EPN1: variants seen among roughly 807,000 people sequenced by gnomAD.
EPN1 encodes the protein epsin 1.
In EPN1, 25 loss-of-function variants were observed where a neutral mutation model predicts 56.9. The observed-to-expected ratio is 0.44, with a 90% CI of 0.32 to 0.61. The LOEUF (loss-of-function observed/expected upper bound fraction) is 0.61, where lower values mean the gene tolerates loss of function less well. EPN1 is among the 20% of genes least tolerant of loss of function. The pLI is 0.05. For synonymous variants in EPN1, 411 were observed against 361.8 expected, an observed-to-expected ratio of 1.14 and a Z score of -1.54; for missense variants, 785 against 823.7, an observed-to-expected ratio of 0.95 and a Z score of 0.58.
intron 1 of EPN1, chr19:55,677,232 G>GA: frequency 7.1e-7 from 1 of 1,402,314 alleles, no homozygotes; most frequent in African/African-American, 1.4e-5. Flanking sequence ...TGTGTCCCTG[G>GA]GCAAGGGGCT....
In EPN1 at chr19:55,689,402, C is replaced by G; in HGVS notation, c.678+31C>G. 2.7e-6 allele frequency: 4 copies of G among 1,496,466 alleles called. No individual in the cohort carries two copies. Among genetic ancestry groups the G allele is most frequent in the African/African-American group, 1.4e-5 (1 of 72,216 alleles). The allele number at this position is 1,496,466 out of a possible 1,614,324, so 92.7% of individuals were successfully genotyped here. On this transcript the variant is annotated intron_variant, in intron 5 of 10. Coordinates refer to ENST00000270460, the MANE Select transcript of EPN1 (RefSeq NM_001130072.2). The surrounding 1 kb of genome is among the most constrained non-coding windows in gnomAD (Gnocchi z 5.7). Reference sequence around the variant, plus strand: ...AGCAGCCTCCCTGTCCCTGCCCCTGCCAGGGGCTCCCCTCAGACCAGCCCC... The same window carrying G: ...AGCAGCCTCCCTGTCCCTGCCCCTGGCAGGGGCTCCCCTCAGACCAGCCCC...
At position 55,703,873 on chromosome 19, in the gene EPN1, G is replaced by C. The variant is rs1212759174; in HGVS notation, c.*8517G>C. 1 of 152,250 alleles carries C rather than the reference G, an allele frequency of 6.6e-6. No homozygotes were observed. The highest frequency in any genetic ancestry group is 1.5e-5 in the Non-Finnish European group (1 of 68,042). The allele number at this position is 152,250 out of a possible 1,614,324, so 9.4% of individuals were successfully genotyped here. A position where few individuals can be genotyped will look rare whatever the true frequency, so the allele number is the denominator to read the frequency against. On this transcript the variant is annotated 3_prime_UTR_variant, in exon 11 of 11. Transcript: ENST00000270460. ...GGAGGAAGCTGGAAAGCGCTCCCCT[G>C]CGTTTCGGCTGCTGGCCCAGCAGAG... is the stretch of plus-strand genomic sequence containing the variant.
At position 55,703,928 on chromosome 19, in the gene EPN1, G is replaced by T. The variant is rs1471892787; in HGVS notation, c.*8572G>T. On this transcript the variant is annotated 3_prime_UTR_variant, in exon 11 of 11. Coordinates refer to ENST00000270460, the MANE Select transcript of EPN1 (RefSeq NM_001130072.2). ...CCGGAGAGCGGACGGAGCCGCAGGCGGGGTTGTGGGAAGACGCTGGGATCC... is the reference window on the plus strand; with the variant it reads ...CCGGAGAGCGGACGGAGCCGCAGGCTGGGTTGTGGGAAGACGCTGGGATCC... 1.3e-5 allele frequency: 2 copies of T among 152,218 alleles called. No individual in the cohort carries two copies. Among genetic ancestry groups the T allele is most frequent in the Non-Finnish European group, 2.9e-5 (2 of 68,044 alleles). 9.4% of individuals were successfully genotyped at this position (152,218 alleles called of 1,614,324 possible). A position where few individuals can be genotyped will look rare whatever the true frequency, so the allele number is the denominator to read the frequency against.
intron 8 of EPN1, 44 bp downstream of exon 8, chr19:55,692,840 T>C: frequency 1.9e-6 from 3 of 1,577,876 alleles, no homozygotes; most frequent in African/African-American, 1.4e-5. Flanking sequence ...TGGGAGTGAG[T>C]GGGAGAAGTT....
rs1004595320 is a variant in EPN1, at chr19:55,697,104, T to C, written c.*1748T>C. ...TCTCACACCCGGCCTGGGTATGTTGTGGGAGAGTCATTTCCCAGGAGGAAA... is the reference window on the plus strand; with the variant it reads ...TCTCACACCCGGCCTGGGTATGTTGCGGGAGAGTCATTTCCCAGGAGGAAA... On this transcript the variant is annotated 3_prime_UTR_variant, in exon 11 of 11. Transcript: ENST00000270460. 11 of 152,162 alleles carry C rather than the reference T, an allele frequency of 7.2e-5. No individual in the cohort carries two copies. Among genetic ancestry groups the C allele is most frequent in the Non-Finnish European group, 1.3e-4 (9 of 68,018 alleles). 9.4% of individuals were successfully genotyped at this position (152,162 alleles called of 1,614,324 possible).
At chr19:55,684,563 G>A (rs1321204622) in intron 2 of EPN1, among the ~76,000 whole-genome samples, 5 of 152,044 alleles carry the variant, frequency 3.3e-5, no homozygotes, top group African/African-American at 7.3e-5. Flanking sequence ...TGTTCCCTCC[G>A]CCCTGTCCTT....
At chr19:55,680,700 C>G (rs35357652) in intron 2 of EPN1, 13,144 of 152,444 alleles carry the variant, frequency 0.086, 775 homozygotes, top group East Asian at 0.24. Context: ...GGAGGGGGTC[C>G]CTGGGTCCAC....
chr19:55,693,062 AGTGGCGAGAGG>A, intron 9 of EPN1, 25 bp downstream of exon 9: 1 of 1,602,384 alleles, frequency 6.2e-7, no homozygotes, highest in South Asian at 1.1e-5. Context: ...TCCCCTGCCC[AGTGGCGAGAGG>A]GAGCCTCCCC....
chr19:55,682,449 C>T (rs1389674683), intron 2 of EPN1, among the ~76,000 whole-genome samples: 1 of 150,276 alleles, frequency 6.7e-6, no homozygotes, highest in East Asian at 2.0e-4. Flanking sequence ...TTGAGAAAGT[C>T]TCACTGTTGC....
At chr19:55,690,054 G>A (rs539687094) in intron 6 of EPN1, 104 bp downstream of exon 6, 2 of 1,137,982 alleles carry the variant, frequency 1.8e-6, no homozygotes, top group African/African-American at 1.5e-5. Context: ...TGAAACACAA[G>A]GTCCTGGAGC....
At position 55,678,589 on chromosome 19, in the gene EPN1, A is replaced by G. The variant is rs532195098; in HGVS notation, c.-39A>G. 6.3e-5 allele frequency: 99 copies of G among 1,576,802 alleles called. No homozygotes were observed. The South Asian group carries it at 1.0e-3, about 16-fold the overall frequency. On this transcript the variant is annotated 5_prime_UTR_variant, in exon 2 of 11. Coordinates refer to ENST00000270460, the MANE Select transcript of EPN1 (RefSeq NM_001130072.2). ...CGGGAGTCGCCCCATCTCTCCACGC[A>G]TCGGGGCCCTGTGCCCCTTGCTGCT...
At position 55,704,071 on chromosome 19, in the gene EPN1, G is replaced by GCT. The variant is rs1466426821; in HGVS notation, c.*8719_*8720dup. 1 of 152,180 alleles carries GCT rather than the reference G, an allele frequency of 6.6e-6. No individual in the cohort carries two copies. Among genetic ancestry groups the GCT allele is most frequent in the Admixed American group, 6.6e-5 (1 of 15,266 alleles). 9.4% of individuals were successfully genotyped at this position (152,180 alleles called of 1,614,324 possible). On this transcript the variant is annotated 3_prime_UTR_variant, in exon 11 of 11. Coordinates refer to ENST00000270460, the MANE Select transcript of EPN1 (RefSeq NM_001130072.2). ...GCTTCTCGCCCACACGGAGACAGTC[G>GCT]CTCTCACACGTACCTCTCGCGGGCT...
rs945586928 is a variant in EPN1, at chr19:55,696,723, T to C, written c.*1367T>C. On this transcript the variant is annotated 3_prime_UTR_variant, in exon 11 of 11. Coordinates refer to ENST00000270460, the MANE Select transcript of EPN1 (RefSeq NM_001130072.2). ...GTGTTGGAGGCCACTGAGAGGGACA[T>C]GACTGCGGTGTCCGAGCAGCGTCGT... 6.6e-6 allele frequency: 1 copy of C among 152,278 alleles called. No homozygotes were observed. The highest frequency in any genetic ancestry group is 1.5e-5 in the Non-Finnish European group (1 of 68,090). 9.4% of individuals were successfully genotyped at this position (152,278 alleles called of 1,614,324 possible).
At position 55,703,738 on chromosome 19, in the gene EPN1, C is replaced by G. The variant is rs1987258200; in HGVS notation, c.*8382C>G. 6.6e-6 allele frequency: 1 copy of G among 152,238 alleles called. No individual in the cohort carries two copies. Among genetic ancestry groups the G allele is most frequent in the Non-Finnish European group, 1.5e-5 (1 of 68,046 alleles). The allele number at this position is 152,238 out of a possible 1,614,324, so 9.4% of individuals were successfully genotyped here. On this transcript the variant is annotated 3_prime_UTR_variant, in exon 11 of 11. Transcript: ENST00000270460. ...AAGGGATGCCACTAGCCACATGCCA[C>G]GTAGAACAGTTGAAATGTGGCCAGC... is the stretch of plus-strand genomic sequence containing the variant.
chr19:55,692,733 G>A lies in EPN1; in HGVS notation c.1114G>A (p.Ala372Thr). ...GPSASDPWTPAPAFSDPWGGS... is the reference protein window; with the variant it reads ...GPSASDPWTPTPAFSDPWGGS... Reference sequence around the variant, plus strand: ...CTCAGCCTCCGATCCCTGGACACCGGCCCCGGCCTTCTCAGATCCCTGGGG... The same window carrying A: ...CTCAGCCTCCGATCCCTGGACACCGACCCCGGCCTTCTCAGATCCCTGGGG... Residue 372 changes from alanine (A) to threonine (T), a missense_variant, in exon 8 of 11, where the codon GCC becomes ACC. Ala to Thr is a moderately conservative substitution (Grantham distance 58, BLOSUM62 0). This residue lies in a region of EPN1 where 650 missense variants were observed against 605.0 expected (regional missense o/e 1.07). Coordinates refer to ENST00000270460, the MANE Select transcript of EPN1 (RefSeq NM_001130072.2). 1 of 1,572,634 alleles carries A rather than the reference G, an allele frequency of 6.4e-7. No individual in the cohort carries two copies. Among genetic ancestry groups the A allele is most frequent in the Non-Finnish European group, 8.6e-7 (1 of 1,159,486 alleles).
rs1002317892 is a variant in EPN1, at chr19:55,706,549, G to C, written c.*11193G>C. On this transcript the variant is annotated 3_prime_UTR_variant, in exon 11 of 11. Transcript: ENST00000270460. Reference sequence around the variant, plus strand: ...TGCCTGTAATCTCAGCTCCTCAGTAGGCTAAGGCGGGAGAATCGCTTGAAC... The same window carrying C: ...TGCCTGTAATCTCAGCTCCTCAGTACGCTAAGGCGGGAGAATCGCTTGAAC... 6.6e-6 allele frequency: 1 copy of C among 151,796 alleles called. No individual in the cohort carries two copies. Among genetic ancestry groups the C allele is most frequent in the African/African-American group, 2.4e-5 (1 of 41,260 alleles). The allele number at this position is 151,796 out of a possible 1,614,324, so 9.4% of individuals were successfully genotyped here. A position where few individuals can be genotyped will look rare whatever the true frequency, so the allele number is the denominator to read the frequency against.
chr19:55,689,047 C>G lies in EPN1; in HGVS notation c.603+53C>G. On this transcript the variant is annotated intron_variant, in intron 4 of 10. Coordinates refer to ENST00000270460, the MANE Select transcript of EPN1 (RefSeq NM_001130072.2). This position sits in a 1 kb window ranked among gnomAD's most constrained non-coding sequence, Gnocchi z 5.7. Reference sequence around the variant, plus strand: ...GTCCGCCACCCGCCTCCACGCCTCACTTCAGGCTCCCTCCCAGCCAGGCGT... The same window carrying G: ...GTCCGCCACCCGCCTCCACGCCTCAGTTCAGGCTCCCTCCCAGCCAGGCGT... 6.5e-7 allele frequency: 1 copy of G among 1,526,944 alleles called. No individual in the cohort carries two copies. Among genetic ancestry groups the G allele is most frequent in the Non-Finnish European group, 8.8e-7 (1 of 1,140,328 alleles). 94.6% of individuals were successfully genotyped at this position (1,526,944 alleles called of 1,614,324 possible).
rs1987144862 is a variant in EPN1 at position 55,701,602 on chromosome 19, ACTT to A, written c.*6249_*6251del. 6.6e-6 allele frequency: 1 copy of A among 151,966 alleles called. No homozygotes were observed. The highest frequency in any genetic ancestry group is 2.1e-4 in the South Asian group (1 of 4,816). The allele number at this position is 151,966 out of a possible 1,614,324, so 9.4% of individuals were successfully genotyped here. ...TCAGAAGGAGCTGACATTAATGAGA[ACTT>A]CTCCCTGTTAGACCCTTAAAATACT... is the stretch of plus-strand genomic sequence containing the variant. On this transcript the variant is annotated 3_prime_UTR_variant, in exon 11 of 11. Coordinates refer to ENST00000270460, the MANE Select transcript of EPN1 (RefSeq NM_001130072.2).
At position 55,689,660 on chromosome 19, in the gene EPN1, G is replaced by C. The variant is rs1373854463; in HGVS notation, c.679-207G>C. Among the ~76,000 whole-genome samples the C allele has an allele frequency of 2.0e-5, 3 of 152,158 alleles. No individual in the cohort carries two copies. The highest frequency in any genetic ancestry group is 4.4e-5 in the Non-Finnish European group (3 of 68,014). ...GTGCCCGTCCTCCCCGGGTGCGCCA[G>C]CACAGCACCCCACTCCCCTTATCCC... On this transcript the variant is annotated intron_variant, in intron 5 of 10. Transcript: ENST00000270460. This position sits in a 1 kb window ranked among gnomAD's most constrained non-coding sequence, Gnocchi z 5.7.
Sources: allele counts gnomAD v4.1 joint callset (sites outside exome capture counted in the v4.1 genomes callset), GRCh38; gene constraint gnomAD v4.1.1; regional missense constraint gnomAD v4.1.1; non-coding constraint Gnocchi (gnomAD v3.1); transcripts MANE v1.5; gene names NCBI Gene and HGNC (gene_info 2026-07-23, HGNC 2026-07-21).